MAP3K15: variants seen among roughly 807,000 people sequenced by gnomAD.
MAP3K15 encodes the protein MAPK/ERK kinase kinase 15.
Under a neutral mutation model 99.5 loss-of-function variants are expected in MAP3K15, and 124 were observed. That is an observed-to-expected ratio of 1.25 (90% CI 1.08 to 1.45). The LOEUF (loss-of-function observed/expected upper bound fraction) is 1.45, where lower values mean the gene tolerates loss of function less well. Ranked by LOEUF, MAP3K15 falls within the 40% of genes most tolerant of loss-of-function variation. The pLI is 0.00. For missense variants in MAP3K15, 1,242 were observed against 1,079.7 expected (o/e 1.15, Z -2.11); for synonymous variants, 494 against 439.6 (o/e 1.12, Z -1.55).
intron 3 of MAP3K15, among the ~76,000 whole-genome samples, chrX:19,476,964 T>C: frequency 9.0e-6 from 1 of 111,341 alleles, no homozygotes; most frequent in South Asian, 3.8e-4. Context: ...AGCCAGATAA[T>C]CTCAGGCCCT....
intron 9 of MAP3K15, among the ~76,000 whole-genome samples, chrX:19,422,279 C>T (rs2063793827): frequency 9.0e-6 from 1 of 111,608 alleles, no homozygotes; most frequent in Non-Finnish European, 1.9e-5. Flanking sequence ...GCAATCTACT[C>T]ATCTGACAAA....
At chrX:19,497,390 G>A (rs1297601046) in intron 1 of MAP3K15, 1 of 110,408 alleles carries the variant, frequency 9.1e-6, no homozygotes, top group Non-Finnish European at 1.9e-5. Flanking sequence ...TCAAACTCAT[G>A]ACCTCAAGTG....
intron 1 of MAP3K15, among the ~76,000 whole-genome samples, chrX:19,493,138 C>T (rs2064378883): frequency 1.8e-5 from 2 of 109,854 alleles, no homozygotes; most frequent in Non-Finnish European, 3.8e-5. Context: ...AGGATAGGGA[C>T]AGTAGTCCCG....
intron 1 of MAP3K15, among the ~76,000 whole-genome samples, chrX:19,502,050 A>G (rs1019243731): frequency 1.8e-5 from 2 of 112,332 alleles, no homozygotes; most frequent in African/African-American, 3.2e-5. Flanking sequence ...TGGGCGACAG[A>G]GACTCAGTCT....
At chrX:19,442,897 T>C (rs1237814036) in intron 6 of MAP3K15, among the ~76,000 whole-genome samples, 1 of 105,521 alleles carries the variant, frequency 9.5e-6, no homozygotes, top group Admixed American at 1.0e-4. Flanking sequence ...TAATTTTTTA[T>C]ATTTTTAGTA....
At chrX:19,458,804 C>T (rs1305526355) in intron 5 of MAP3K15, among the ~76,000 whole-genome samples, 1 of 112,084 alleles carries the variant, frequency 8.9e-6, no homozygotes, top group African/African-American at 3.2e-5. Flanking sequence ...CATAAGTGGA[C>T]GCCTCCATCA....
intron 4 of MAP3K15, 107 bp from the exon 5 acceptor site, chrX:19,460,260 A>C: frequency 2.0e-6 from 1 of 495,452 alleles, no homozygotes; most frequent in African/African-American, 2.4e-5. Flanking sequence ...ACACATAGGG[A>C]CCTCGGCCCA....
At chrX:19,491,580 C>T (rs1026391136) in intron 1 of MAP3K15, among the ~76,000 whole-genome samples, 2 of 110,827 alleles carry the variant, frequency 1.8e-5, no homozygotes, top group Non-Finnish European at 3.8e-5. Flanking sequence ...AGTGTGAAGG[C>T]CACCCACATA....
rs770931268 is a variant in MAP3K15 at position 19,390,396 on chromosome X, C to G, written c.2431+1606G>C. Among the ~76,000 whole-genome samples the G allele has an allele frequency of 3.0e-3, 296 of 100,067 alleles. 2 individuals carry two copies. The highest frequency in any genetic ancestry group is 0.014 in the Middle Eastern group (3 of 207). The allele number at this position is 100,067 out of a possible 115,157, so 86.9% of individuals were successfully genotyped here. A position where few individuals can be genotyped will look rare whatever the true frequency, so the allele number is the denominator to read the frequency against. On this transcript the variant is annotated intron_variant, in intron 18 of 28. Coordinates refer to ENST00000338883, the MANE Select transcript of MAP3K15 (RefSeq NM_001001671.4). Reference sequence around the variant, plus strand: ...AATCACAGCTCACTGCAGCCTCAACCTCCTGGGCTCAAGCGATCCTCCCAC... The same window carrying G: ...AATCACAGCTCACTGCAGCCTCAACGTCCTGGGCTCAAGCGATCCTCCCAC...
intron 1 of MAP3K15, among the ~76,000 whole-genome samples, chrX:19,510,782 T>C (rs2064512429): frequency 8.9e-6 from 1 of 111,910 alleles, no homozygotes; most frequent in Admixed American, 9.6e-5. Flanking sequence ...TGATTGTATA[T>C]TTAGAAAACC....
chrX:19,468,513 T>C (rs1399046908), intron 3 of MAP3K15, among the ~76,000 whole-genome samples: 1 of 111,671 alleles, frequency 9.0e-6, no homozygotes. Flanking sequence ...AAACAGACAG[T>C]CAAAGAGAGC....
intron 1 of MAP3K15, among the ~76,000 whole-genome samples, chrX:19,500,091 A>T (rs1345592412): frequency 9.0e-6 from 1 of 111,667 alleles, no homozygotes; most frequent in Admixed American, 9.5e-5. Flanking sequence ...TACTAAAAAT[A>T]CAAAAATTAG....
chrX:19,418,792 G>C (rs1332282467), intron 9 of MAP3K15, among the ~76,000 whole-genome samples: 1 of 111,929 alleles, frequency 8.9e-6, no homozygotes, highest in African/African-American at 3.2e-5. Flanking sequence ...CAGAGAGAGA[G>C]GTCAGGTTAC....
At chrX:19,366,909 C>T (rs758581381) in intron 25 of MAP3K15, among the ~76,000 whole-genome samples, 4 of 111,720 alleles carry the variant, frequency 3.6e-5, no homozygotes, top group Non-Finnish European at 7.5e-5. Context: ...AGAGAAATAA[C>T]CTTCAAACCC....
intron 5 of MAP3K15, among the ~76,000 whole-genome samples, chrX:19,458,691 A>T (rs2064111472): frequency 9.0e-6 from 1 of 111,430 alleles, no homozygotes; most frequent in African/African-American, 3.3e-5. Context: ...ATAAATAAAT[A>T]AATAAATAAA....
chrX:19,483,874 T>A lies in MAP3K15; in HGVS notation c.525+2608A>T, dbSNP rs775916879. ...GTGGAAAAAGTAAACGTCTCTTTTC[T>A]TTCAGAAAGAGGATAGCATTTGAAG... On this transcript the variant is annotated intron_variant, in intron 3 of 28. Transcript: ENST00000338883. 6.2e-5 allele frequency among the ~76,000 whole-genome samples: 7 copies of A among 112,014 alleles called. No individual in the cohort carries two copies. In the East Asian group the frequency reaches 1.9e-3, roughly 31 times the overall value.
At chrX:19,481,225 A>G (rs2064287587) in intron 3 of MAP3K15, among the ~76,000 whole-genome samples, 1 of 110,062 alleles carries the variant, frequency 9.1e-6, no homozygotes, top group African/African-American at 3.3e-5. Context: ...TTACGTATAC[A>G]GTCAATTGAT....
chrX:19,514,849 TC>T, intron 1 of MAP3K15, 51 bp downstream of exon 1: 1 of 775,871 alleles, frequency 1.3e-6, no homozygotes, highest in African/African-American at 2.8e-5. Flanking sequence ...GTGCCCTGGC[TC>T]GTGTGAGGGT....
chrX:19,410,155 A>C (rs2063676444), intron 11 of MAP3K15, among the ~76,000 whole-genome samples, 182 bp from the exon 12 acceptor site: 1 of 112,537 alleles, frequency 8.9e-6, no homozygotes, highest in South Asian at 3.6e-4. Context: ...GTATTATAAA[A>C]ATTCATTTGT....
Sources: allele counts gnomAD v4.1 joint callset (sites outside exome capture counted in the v4.1 genomes callset), GRCh38; gene constraint gnomAD v4.1.1; transcripts MANE v1.5; gene names NCBI Gene and HGNC (gene_info 2026-07-23, HGNC 2026-07-21).